CDH18: variants seen among roughly 807,000 people sequenced by gnomAD.
The protein encoded by CDH18 is cadherin-18.
In CDH18, 31 loss-of-function variants were observed where a neutral mutation model predicts 67.9. The observed-to-expected ratio is 0.46, with a 90% CI of 0.34 to 0.62. The LOEUF (loss-of-function observed/expected upper bound fraction) is 0.62. Ranked by LOEUF, CDH18 falls within the 20% of genes least tolerant of loss-of-function variation. The pLI is 0.01. For missense variants in CDH18, 890 were observed against 975.5 expected (o/e 0.91, Z 1.17); for synonymous variants, 362 against 347.2 (o/e 1.04, Z -0.48).
At chr5:20,066,249 C>T (rs1324871662) in intron 2 of CDH18, among the ~76,000 whole-genome samples, 1 of 152,008 alleles carries the variant, frequency 6.6e-6, no homozygotes. Flanking sequence ...TGTAGAGCTC[C>T]ACTATCCCTG....
chr5:19,759,384 G>T (rs1307245658), intron 3 of CDH18, among the ~76,000 whole-genome samples: 1 of 152,120 alleles, frequency 6.6e-6, no homozygotes, highest in Non-Finnish European at 1.5e-5. Flanking sequence ...GGTAGAGGCA[G>T]CTCTAAAGGC....
chr5:19,810,811 T>C (rs1581451203), intron 3 of CDH18, among the ~76,000 whole-genome samples: 1 of 151,950 alleles, frequency 6.6e-6, no homozygotes, highest in African/African-American at 2.4e-5. Flanking sequence ...TCACTTGAGG[T>C]CAGGAGTTCA....
chr5:20,382,536 C>T (rs1431135508), intron 1 of CDH18, among the ~76,000 whole-genome samples: 1 of 151,968 alleles, frequency 6.6e-6, no homozygotes, highest in Admixed American at 6.6e-5. Context: ...CTTACAGAAA[C>T]ACCAATATGA....
intron 3 of CDH18, chr5:19,803,730 T>C (rs1723773717): frequency 6.6e-6 from 1 of 152,196 alleles, no homozygotes. Flanking sequence ...TTATTTTATA[T>C]TTCTGATTAA....
At chr5:20,142,681 C>T (rs1298772812) in intron 2 of CDH18, among the ~76,000 whole-genome samples, 1 of 151,922 alleles carries the variant, frequency 6.6e-6, no homozygotes, top group Non-Finnish European at 1.5e-5. Flanking sequence ...AAAAACAATG[C>T]CATGTGAAGA....
In CDH18 at chr5:19,978,935, C is replaced by T. The variant is rs138992275; in HGVS notation, c.-257+2125G>A. ...CATGTAATATAATCACAAGTTACAG[C>T]GATTAGTATGTGAACATCTTGGGGA... On this transcript the variant is annotated intron_variant, in intron 2 of 12. Coordinates refer to ENST00000382275, the MANE Select transcript of CDH18 (RefSeq NM_004934.5). Among the ~76,000 whole-genome samples, 317 of 152,176 alleles carry T rather than the reference C, an allele frequency of 2.1e-3. 2 individuals carry two copies. Among genetic ancestry groups the T allele is most frequent in the African/African-American group, 7.1e-3 (296 of 41,538 alleles).
At chr5:19,899,858 T>C (rs1168422271) in intron 2 of CDH18, among the ~76,000 whole-genome samples, 1 of 152,100 alleles carries the variant, frequency 6.6e-6, no homozygotes, top group Admixed American at 6.6e-5. Context: ...TACTGCATGA[T>C]TCCACTTATA....
At chr5:20,515,076 C>A (rs1755277351) in intron 1 of CDH18, among the ~76,000 whole-genome samples, 1 of 151,676 alleles carries the variant, frequency 6.6e-6, no homozygotes, top group Non-Finnish European at 1.5e-5. Flanking sequence ...TATGGCTAAT[C>A]TGTGTATCTC....
At position 19,706,348 on chromosome 5, in the gene CDH18, G is replaced by A. The variant is rs189177746; in HGVS notation, c.643+14999C>T. Reference sequence around the variant, plus strand: ...GCAATATCTAATGCCAGACACTTTCGCAATTTAACCCATGTTAATGCCTCT... The same window carrying A: ...GCAATATCTAATGCCAGACACTTTCACAATTTAACCCATGTTAATGCCTCT... On this transcript the variant is annotated intron_variant, in intron 5 of 12. Transcript: ENST00000382275. Among the ~76,000 whole-genome samples, 137 of 152,262 alleles carry A rather than the reference G, an allele frequency of 9.0e-4. 1 individual carries two copies. The highest frequency in any genetic ancestry group is 1.4e-3 in the Non-Finnish European group (94 of 68,020).
chr5:19,923,550 A>C (rs1034160836), intron 2 of CDH18, among the ~76,000 whole-genome samples: 1 of 152,172 alleles, frequency 6.6e-6, no homozygotes, highest in African/African-American at 2.4e-5. Context: ...GTGTAGCAGA[A>C]AAAATGCAAA....
intron 8 of CDH18, among the ~76,000 whole-genome samples, chr5:19,546,402 G>A (rs1736318746): frequency 6.6e-6 from 1 of 152,106 alleles, no homozygotes; most frequent in South Asian, 2.1e-4. Flanking sequence ...TGAAAGAAAT[G>A]ATGCTTTTGA....
intron 3 of CDH18, among the ~76,000 whole-genome samples, chr5:19,772,080 G>A (rs571348471): frequency 2.7e-4 from 41 of 152,054 alleles, no homozygotes; most frequent in African/African-American, 8.7e-4. Context: ...TAAGATGATC[G>A]AACACTTTTT....
chr5:19,828,489 C>A (rs1366062686), intron 3 of CDH18, among the ~76,000 whole-genome samples: 2 of 151,552 alleles, frequency 1.3e-5, no homozygotes, highest in African/African-American at 4.8e-5. Context: ...TTTTTACATT[C>A]AAAAAATACT....
At position 19,838,870 on chromosome 5, in the gene CDH18, T is replaced by C; in HGVS notation, c.117A>G (p.Lys39=). The C allele has an allele frequency of 1.2e-6, 2 of 1,614,068 alleles. No homozygotes were observed. The highest frequency in any genetic ancestry group is 2.2e-5 in the East Asian group (1 of 44,852). ...SSIKVMRNQT[K]HIEGETEVHH... ...GGACTTCGGTTTCACCTTCAATGTG[T>C]TTGGTTTGGTTTCTCATCACCTTGA... Residue 39 remains lysine, a synonymous_variant, in exon 3 of 13, where the codon AAA becomes AAG. Coordinates refer to ENST00000382275, the MANE Select transcript of CDH18 (RefSeq NM_004934.5).
At chr5:19,931,026 G>A (rs762933262) in intron 2 of CDH18, among the ~76,000 whole-genome samples, 4 of 151,882 alleles carry the variant, frequency 2.6e-5, no homozygotes, top group African/African-American at 7.3e-5. Context: ...GTTGGTTCAC[G>A]ATGTACTCAA....
At chr5:19,882,330 T>C (rs185278739) in intron 2 of CDH18, among the ~76,000 whole-genome samples, 153 of 152,288 alleles carry the variant, frequency 1.0e-3, no homozygotes, top group Non-Finnish European at 6.5e-4. Flanking sequence ...TTTAGGTAGA[T>C]GTACATTCAG....
intron 3 of CDH18, among the ~76,000 whole-genome samples, chr5:19,803,525 C>A (rs1460695591): frequency 6.6e-6 from 1 of 152,134 alleles, no homozygotes; most frequent in African/African-American, 2.4e-5. Context: ...TACAACATAA[C>A]CACAACTGCA....
At chr5:19,612,716 A>AG in intron 5 of CDH18, 115 bp from the exon 6 acceptor site, 2 of 777,776 alleles carry the variant, frequency 2.6e-6, no homozygotes, top group Non-Finnish European at 4.1e-6. Flanking sequence ...TTTGGGATAA[A>AG]GTCACACGTC....
Position 19,755,450 on chromosome 5 carries a change from T to TACAC in CDH18, c.229-8215_229-8214insGTGT, listed in dbSNP as rs1473558704. On this transcript the variant is annotated intron_variant, in intron 3 of 12. Transcript: ENST00000382275. ...GGGTATGTATATATATATATATATA[T>TACAC]ATATATATACACACACACACACACA... 8.8e-3 allele frequency among the ~76,000 whole-genome samples: 69 copies of TACAC among 7,826 alleles called. 9 individuals carry two copies. Among genetic ancestry groups the TACAC allele is most frequent in the East Asian group, 0.12 (1 of 8 alleles). 5.1% of individuals were successfully genotyped at this position (7,826 alleles called of 152,430 possible). A position where few individuals can be genotyped will look rare whatever the true frequency, so the allele number is the denominator to read the frequency against.
Sources: gnomAD v4.1 joint callset for allele counts (sites outside exome capture counted in the v4.1 genomes callset) on GRCh38, gnomAD v4.1.1 for gene constraint, MANE v1.5 for transcripts, NCBI Gene and HGNC (gene_info 2026-07-23, HGNC 2026-07-21) for gene names.